COMMD1: variants seen among roughly 807,000 people sequenced by gnomAD.
COMMD1 encodes copper metabolism domain containing 1, also known as COMM domain-containing protein 1.
In COMMD1, 10 loss-of-function variants were observed where a neutral mutation model predicts 17.2. The ratio of observed to expected loss-of-function variants is 0.58; its 90% CI spans 0.36 to 0.99. The LOEUF (loss-of-function observed/expected upper bound fraction) is 0.99, where lower values mean the gene tolerates loss of function less well. Ranked by LOEUF, COMMD1 falls within the 50% of genes least tolerant of loss-of-function variation. COMMD1 has a pLI of 0.01. For synonymous variants in COMMD1, 97 were observed against 91.6 expected (o/e 1.06, Z -0.34); for missense variants, 270 against 231.8 (o/e 1.17, Z -1.07).
intron 2 of COMMD1, among the ~76,000 whole-genome samples, chr2:62,060,733 G>A (rs1670833003): frequency 1.3e-5 from 2 of 152,096 alleles, no homozygotes; most frequent in South Asian, 2.1e-4. Flanking sequence ...ATTCTTGATG[G>A]ATATTTTTGA....
intron 2 of COMMD1, among the ~76,000 whole-genome samples, chr2:62,064,389 G>T (rs1423662298): frequency 6.6e-6 from 1 of 152,106 alleles, no homozygotes; most frequent in Non-Finnish European, 1.5e-5. Context: ...GGCCAGGCTG[G>T]TCTCGAATGC....
chr2:62,059,714 C>G (rs1670805882), intron 2 of COMMD1, among the ~76,000 whole-genome samples: 3 of 152,322 alleles, frequency 2.0e-5, no homozygotes, highest in Non-Finnish European at 4.4e-5. Flanking sequence ...ACTATAGACA[C>G]AAGCTAGCCT....
chr2:62,002,252 A>G lies in COMMD1; in HGVS notation c.462+1270A>G, dbSNP rs183935246. On this transcript the variant is annotated intron_variant, in intron 2 of 2. Transcript: ENST00000311832. ...ACACCTGTAATCCCAACACTTTGGG[A>G]GGCCAGGGTGGGTGGATCACCTGAG... Among the ~76,000 whole-genome samples, 376 of 152,176 alleles carry G rather than the reference A, an allele frequency of 2.5e-3. 1 individual carries two copies. Among genetic ancestry groups the G allele is most frequent in the African/African-American group, 8.6e-3 (357 of 41,532 alleles).
chr2:61,999,750 A>T (rs992502888), intron 1 of COMMD1, among the ~76,000 whole-genome samples: 7 of 151,616 alleles, frequency 4.6e-5, no homozygotes, highest in Non-Finnish European at 4.4e-5. Context: ...TTCAAAAAAA[A>T]TTTCATTTTA....
intron 2 of COMMD1, among the ~76,000 whole-genome samples, chr2:62,109,945 G>C (rs1181298262): frequency 1.5e-4 from 6 of 40,136 alleles, no homozygotes; most frequent in Non-Finnish European, 9.0e-5. Flanking sequence ...TTTTTTTTTT[G>C]GTAGAGATGT....
chr2:62,053,898 C>T (rs536662064), intron 2 of COMMD1, among the ~76,000 whole-genome samples: 22 of 152,222 alleles, frequency 1.4e-4, no homozygotes, highest in African/African-American at 5.3e-4. Context: ...AGAAATAACC[C>T]ACAGAGTAAA....
chr2:61,993,719 T>C (rs1347131734), intron 1 of COMMD1, among the ~76,000 whole-genome samples: 1 of 152,206 alleles, frequency 6.6e-6, no homozygotes, highest in Non-Finnish European at 1.5e-5. Flanking sequence ...TAAACCAAAA[T>C]CAATTTCTCA....
chr2:61,928,493 C>T (rs1028394961), intron 1 of COMMD1: 1 of 152,114 alleles, frequency 6.6e-6, no homozygotes, highest in African/African-American at 2.4e-5. Flanking sequence ...TTTCAGTATC[C>T]TAAAGAGCTA....
At chr2:61,902,682 A>T (rs1223319610), upstream of COMMD1, among the ~76,000 whole-genome samples, 1 of 152,176 alleles carries the variant, frequency 6.6e-6, no homozygotes, top group East Asian at 1.9e-4. Flanking sequence ...CATATGGCAA[A>T]GGTTATAAAG....
At chr2:62,055,363 C>T (rs1351531358) in intron 2 of COMMD1, 2 of 452,388 alleles carry the variant, frequency 4.4e-6, no homozygotes, top group African/African-American at 2.0e-5. Flanking sequence ...GATGAGACAG[C>T]AGAAGACTCT....
At chr2:61,971,901 G>A (rs951627972) in intron 1 of COMMD1, among the ~76,000 whole-genome samples, 87 of 152,230 alleles carry the variant, frequency 5.7e-4, no homozygotes, top group Middle Eastern at 3.4e-3. Context: ...AGGGAGGATT[G>A]CTTGAGTCCA....
intron 1 of COMMD1, among the ~76,000 whole-genome samples, chr2:61,934,786 C>A (rs1334613251): frequency 6.6e-6 from 1 of 152,058 alleles, no homozygotes; most frequent in Admixed American, 6.6e-5. Context: ...TGGTTCTTTT[C>A]TTTTTTATTT....
chr2:62,099,680 GT>G (rs1672119378), intron 2 of COMMD1, among the ~76,000 whole-genome samples: 1 of 151,648 alleles, frequency 6.6e-6, no homozygotes, highest in Non-Finnish European at 1.5e-5. Flanking sequence ...ACACTGAGTC[GT>G]TTCTACCCTC....
At chr2:61,981,711 A>G (rs1230728875) in intron 1 of COMMD1, among the ~76,000 whole-genome samples, 1 of 152,188 alleles carries the variant, frequency 6.6e-6, no homozygotes, top group Admixed American at 6.5e-5. Context: ...GAGCTTGTGC[A>G]GGGAAACTCC....
intron 1 of COMMD1, among the ~76,000 whole-genome samples, chr2:61,954,352 A>G (rs1671138530): frequency 6.6e-6 from 1 of 152,198 alleles, no homozygotes; most frequent in African/African-American, 2.4e-5. Flanking sequence ...CATTTTGTAT[A>G]CAAGGCTGGT....
intron 2 of COMMD1, among the ~76,000 whole-genome samples, chr2:62,029,702 T>A (rs368517334): frequency 8.5e-5 from 13 of 152,250 alleles, no homozygotes; most frequent in Non-Finnish European, 1.8e-4. Flanking sequence ...CCCATGAAGT[T>A]CTGTAGCATG....
At chr2:62,134,617 AT>A (rs1012536213) in intron 2 of COMMD1, among the ~76,000 whole-genome samples, 4 of 117,962 alleles carry the variant, frequency 3.4e-5, no homozygotes, top group Non-Finnish European at 5.8e-5. Flanking sequence ...AAAAAAAAAA[AT>A]TTTTTTTTTT....
intron 2 of COMMD1, among the ~76,000 whole-genome samples, chr2:62,048,182 CTTT>C (rs67195629): frequency 3.9e-5 from 5 of 127,242 alleles, no homozygotes; most frequent in Non-Finnish European, 3.3e-5. Flanking sequence ...AACTAAATTT[CTTT>C]TTTTTTTTTT....
At chr2:62,083,535 TTC>T (rs746006731) in intron 2 of COMMD1, among the ~76,000 whole-genome samples, 5 of 152,168 alleles carry the variant, frequency 3.3e-5, no homozygotes, top group Non-Finnish European at 4.4e-5. Context: ...GTCTCTCTCT[TTC>T]TCTCTCTCTG....
Sources: allele counts gnomAD v4.1 joint callset (sites outside exome capture counted in the v4.1 genomes callset), GRCh38; gene constraint gnomAD v4.1.1; transcripts MANE v1.5; gene names NCBI Gene and HGNC (gene_info 2026-07-23, HGNC 2026-07-21).